Variants in SYN3 observed in about 807,000 individuals in gnomAD.
SYN3 encodes synapsin-3.
A neutral mutation model predicts 65.8 loss-of-function variants in SYN3; 35 were observed. The observed-to-expected ratio is 0.53, with a 90% CI of 0.41 to 0.70. The LOEUF is 0.70. SYN3 is among the 30% of genes least tolerant of loss of function. The pLI is 0.00. For missense variants in SYN3, 680 were observed against 749.0 expected (o/e 0.91, Z 1.08); for synonymous variants, 270 against 292.9 (o/e 0.92, Z 0.80).
At chr22:32,688,627 A>C (rs2060623326) in intron 6 of SYN3, among the ~76,000 whole-genome samples, 1 of 151,948 alleles carries the variant, frequency 6.6e-6, no homozygotes, top group Non-Finnish European at 1.5e-5. Context: ...GCTTCATTCC[A>C]CGTCTCTGTA....
intron 6 of SYN3, among the ~76,000 whole-genome samples, chr22:32,619,314 C>T (rs756346344): frequency 2.6e-5 from 4 of 152,182 alleles, no homozygotes; most frequent in Non-Finnish European, 5.9e-5. Context: ...GCACATAGAC[C>T]TGAAATCCTA....
chr22:32,519,101 C>G (rs2146079479), intron 12 of SYN3, among the ~76,000 whole-genome samples: 1 of 152,256 alleles, frequency 6.6e-6, no homozygotes, highest in South Asian at 2.1e-4. Flanking sequence ...GATCTTGTAC[C>G]TGCAGCCTCC....
chr22:32,894,421 T>A (rs1173012806), intron 4 of SYN3, among the ~76,000 whole-genome samples: 1 of 152,166 alleles, frequency 6.6e-6, no homozygotes, highest in Non-Finnish European at 1.5e-5. Flanking sequence ...AGGGTGGAAA[T>A]CCAGATATTC....
chr22:32,524,163 C>T (rs1742550893), intron 12 of SYN3, among the ~76,000 whole-genome samples: 1 of 152,226 alleles, frequency 6.6e-6, no homozygotes, highest in African/African-American at 2.4e-5. Context: ...GACGAAGAAG[C>T]TGCAGCAAGT....
chr22:32,582,965 G>A (rs2058971304), intron 7 of SYN3, among the ~76,000 whole-genome samples: 1 of 152,158 alleles, frequency 6.6e-6, no homozygotes, highest in African/African-American at 2.4e-5. Flanking sequence ...GAACAAGGCT[G>A]AGCAGCATTC....
chr22:32,540,836 C>A (rs541398671), intron 8 of SYN3, among the ~76,000 whole-genome samples: 2 of 152,164 alleles, frequency 1.3e-5, no homozygotes, highest in African/African-American at 4.8e-5. Flanking sequence ...ACTTTTTCCA[C>A]GGAATCACAA....
intron 6 of SYN3, among the ~76,000 whole-genome samples, chr22:32,662,365 C>T (rs896409313): frequency 3.3e-5 from 5 of 152,216 alleles, no homozygotes; most frequent in East Asian, 1.9e-4. Context: ...GAGCTACAGA[C>T]GTGTACATAC....
chr22:32,518,421 GTTCA>G, intron 12 of SYN3, 87 bp from the exon 13 acceptor site: 1 of 1,479,194 alleles, frequency 6.8e-7, no homozygotes, highest in Non-Finnish European at 9.3e-7. Flanking sequence ...CTTCAAGGAT[GTTCA>G]TTACAGTGTT....
chr22:32,956,912 C>A (rs989222334), intron 3 of SYN3, among the ~76,000 whole-genome samples: 1 of 152,186 alleles, frequency 6.6e-6, no homozygotes, highest in Non-Finnish European at 1.5e-5. Context: ...CACAAAGGTT[C>A]CAATCTCTCC....
intron 6 of SYN3, among the ~76,000 whole-genome samples, chr22:32,858,352 G>A (rs5998647): frequency 6.6e-6 from 1 of 152,172 alleles, no homozygotes; most frequent in Non-Finnish European, 1.5e-5. Flanking sequence ...CCTTTCTGCT[G>A]TAATCGGCTG....
At chr22:32,925,451 T>C (rs556439224) in intron 4 of SYN3, among the ~76,000 whole-genome samples, 1 of 152,368 alleles carries the variant, frequency 6.6e-6, no homozygotes, top group South Asian at 2.1e-4. Flanking sequence ...AAGTCTGCCA[T>C]TCCTGAATGC....
At chr22:32,718,004 C>G (rs1188508937) in intron 6 of SYN3, among the ~76,000 whole-genome samples, 1 of 152,160 alleles carries the variant, frequency 6.6e-6, no homozygotes, top group Non-Finnish European at 1.5e-5. Context: ...ACGTCAAGCC[C>G]AGACAGAGAT....
chr22:32,635,713 C>T (rs986636802), intron 6 of SYN3, among the ~76,000 whole-genome samples: 4 of 152,142 alleles, frequency 2.6e-5, no homozygotes, highest in South Asian at 4.1e-4. Flanking sequence ...CGCAGTTTGA[C>T]GGTTGCTCTC....
rs1451231107 is a variant in SYN3 at position 32,512,271 on chromosome 22, C to G, written c.*1421G>C. 6.6e-6 allele frequency among the ~76,000 whole-genome samples: 1 copy of G among 152,248 alleles called. No individual in the cohort carries two copies. Among genetic ancestry groups the G allele is most frequent in the Non-Finnish European group, 1.5e-5 (1 of 68,050 alleles). ...GCCACTTCCATTTTTACCTCCCTCT[C>G]TCCCTTCCCTGTGGACAGCAAAAGG... On this transcript the variant is annotated 3_prime_UTR_variant, in exon 14 of 14. Transcript: ENST00000358763.
chr22:32,528,744 CA>C, intron 11 of SYN3, 129 bp downstream of exon 11: 1 of 1,320,792 alleles, frequency 7.6e-7, no homozygotes, highest in Non-Finnish European at 1.0e-6. Flanking sequence ...CCTTCGTCCA[CA>C]CCCCCATTCC....
intron 6 of SYN3, among the ~76,000 whole-genome samples, chr22:32,650,075 C>G (rs1482135802): frequency 6.6e-6 from 1 of 152,094 alleles, no homozygotes; most frequent in Non-Finnish European, 1.5e-5. Context: ...CCCAATTCCC[C>G]CGCTCTGTGA....
chr22:32,867,421 A>C (rs2048714809), intron 5 of SYN3, among the ~76,000 whole-genome samples: 1 of 152,248 alleles, frequency 6.6e-6, no homozygotes, highest in Non-Finnish European at 1.5e-5. Flanking sequence ...CCTGGAACAC[A>C]GTAAGTGCCC....
At chr22:32,598,682 C>T (rs189454575) in intron 6 of SYN3, among the ~76,000 whole-genome samples, 87 of 151,996 alleles carry the variant, frequency 5.7e-4, no homozygotes, top group African/African-American at 1.9e-3. Context: ...GACGGGGTTT[C>T]GCTATGTTGG....
intron 12 of SYN3, among the ~76,000 whole-genome samples, chr22:32,518,699 T>C (rs1162022766): frequency 2.0e-5 from 3 of 152,192 alleles, no homozygotes; most frequent in Non-Finnish European, 4.4e-5. Context: ...TGGAAGACTG[T>C]ACACTAAAAC....
Sources: allele counts gnomAD v4.1 joint callset (sites outside exome capture counted in the v4.1 genomes callset), GRCh38; gene constraint gnomAD v4.1.1; transcripts MANE v1.5; gene names NCBI Gene and HGNC (gene_info 2026-07-23, HGNC 2026-07-21).